Variants in MICU1 observed in about 807,000 individuals in gnomAD.
MICU1 encodes calcium uptake protein 1, mitochondrial.
Under a neutral mutation model 56.8 loss-of-function variants are expected in MICU1, and 45 were observed. That is an observed-to-expected ratio of 0.79 (90% CI 0.62 to 1.02). The LOEUF is 1.02. Ranked by LOEUF, MICU1 falls within the 50% of genes least tolerant of loss-of-function variation. The pLI is 0.00. For synonymous variants in MICU1, 186 were observed against 195.1 expected, an observed-to-expected ratio of 0.95 and a Z score of 0.39; for missense variants, 504 against 587.1, an observed-to-expected ratio of 0.86 and a Z score of 1.46.
chr10:72,492,668 CAGG>C (rs1397257215), intron 6 of MICU1, among the ~76,000 whole-genome samples: 2 of 151,486 alleles, frequency 1.3e-5, no homozygotes, highest in African/African-American at 2.4e-5. Context: ...GAGGCTGAGG[CAGG>C]AGAATTGCTT....
intron 10 of MICU1, among the ~76,000 whole-genome samples, chr10:72,400,829 A>G (rs1334028466): frequency 6.6e-6 from 1 of 152,042 alleles, no homozygotes; most frequent in African/African-American, 2.4e-5. Flanking sequence ...AAGAGCAGTA[A>G]AACCAAAGCT....
At chr10:72,591,510 T>G (rs1841224274) in intron 1 of MICU1, among the ~76,000 whole-genome samples, 1 of 152,098 alleles carries the variant, frequency 6.6e-6, no homozygotes, top group Non-Finnish European at 1.5e-5. Context: ...AGAGAAGCCT[T>G]GGCTGACCAA....
intron 9 of MICU1, among the ~76,000 whole-genome samples, chr10:72,418,342 C>A (rs958358388): frequency 6.6e-6 from 1 of 152,034 alleles, no homozygotes; most frequent in Non-Finnish European, 1.5e-5. Context: ...TTGAAGAGGG[C>A]CCAAACAACC....
In MICU1 at chr10:72,399,244, T is replaced by C. The variant is rs141578576; in HGVS notation, c.1180+8685A>G. Among the ~76,000 whole-genome samples the C allele has an allele frequency of 5.4e-3, 807 of 150,626 alleles. 5 individuals are homozygous for C. Among genetic ancestry groups the C allele is most frequent in the African/African-American group, 0.019 (767 of 40,906 alleles). On this transcript the variant is annotated intron_variant, in intron 10 of 11. Coordinates refer to ENST00000361114, the MANE Select transcript of MICU1 (RefSeq NM_001195518.2). ...ACCAAACACCGCATGTTCTCACTCA[T>C]AGGTGGGAACTGAACAATGAGATCA...
chr10:72,467,155 C>A (rs188676093), intron 8 of MICU1, among the ~76,000 whole-genome samples: 3 of 151,882 alleles, frequency 2.0e-5, no homozygotes, highest in Non-Finnish European at 2.9e-5. Context: ...TATGCCACCA[C>A]GTCTGACTAA....
intron 5 of MICU1, among the ~76,000 whole-genome samples, chr10:72,517,762 A>G (rs548946743): frequency 3.4e-5 from 5 of 148,014 alleles, no homozygotes; most frequent in Admixed American, 2.7e-4. Context: ...CTGTTCCCCA[A>G]AAACCTATGG....
chr10:72,476,745 T>A (rs1350563689), intron 7 of MICU1, among the ~76,000 whole-genome samples: 2 of 152,204 alleles, frequency 1.3e-5, no homozygotes, highest in Non-Finnish European at 2.9e-5. Context: ...TTCCTAGGAT[T>A]TTGAAATTGT....
intron 1 of MICU1, 82 bp from the exon 2 acceptor site, chr10:72,566,876 T>G: frequency 8.2e-7 from 1 of 1,223,528 alleles, no homozygotes. Flanking sequence ...ACATTTCTAA[T>G]AAACACTAAA....
intron 6 of MICU1, 93 bp from the exon 7 acceptor site, chr10:72,477,349 T>A: frequency 8.4e-7 from 1 of 1,190,384 alleles, no homozygotes; most frequent in Admixed American, 2.6e-5. Flanking sequence ...TAAAATGTAA[T>A]ATCAAAGTCA....
intron 6 of MICU1, chr10:72,477,508 T>C: frequency 3.9e-6 from 6 of 1,535,844 alleles, no homozygotes; most frequent in Non-Finnish European, 5.2e-6. Context: ...TGTTTCAACA[T>C]GCTTTGCCTT....
At chr10:72,550,727 T>C (rs1333170844) in intron 4 of MICU1, among the ~76,000 whole-genome samples, 4 of 152,222 alleles carry the variant, frequency 2.6e-5, no homozygotes, top group African/African-American at 9.6e-5. Flanking sequence ...ACTGCTTTTG[T>C]GGTACTGCAT....
intron 6 of MICU1, among the ~76,000 whole-genome samples, chr10:72,502,034 T>A (rs1192373548): frequency 6.6e-6 from 1 of 152,212 alleles, no homozygotes; most frequent in Non-Finnish European, 1.5e-5. Flanking sequence ...ACATAGTAGT[T>A]CATAAGCTAC....
intron 4 of MICU1, among the ~76,000 whole-genome samples, chr10:72,539,836 C>G (rs967295697): frequency 2.6e-5 from 4 of 152,068 alleles, no homozygotes; most frequent in African/African-American, 9.7e-5. Flanking sequence ...GGCAGCAGTG[C>G]AGAGGAAGAA....
chr10:72,415,716 T>A (rs1863962282), intron 9 of MICU1, among the ~76,000 whole-genome samples: 1 of 152,206 alleles, frequency 6.6e-6, no homozygotes, highest in South Asian at 2.1e-4. Context: ...CCTTTCTAGC[T>A]ATCTTCCTAA....
At chr10:72,455,965 A>C (rs1487649850) in intron 8 of MICU1, among the ~76,000 whole-genome samples, 1 of 152,162 alleles carries the variant, frequency 6.6e-6, no homozygotes. Flanking sequence ...CTGGTGACAC[A>C]GGGAGAAACT....
At chr10:72,595,153 A>G (rs1236619644) in intron 1 of MICU1, among the ~76,000 whole-genome samples, 1 of 151,962 alleles carries the variant, frequency 6.6e-6, no homozygotes, top group Non-Finnish European at 1.5e-5. Context: ...ATGCCTGTAC[A>G]TAAGACCATA....
At chr10:72,517,979 C>T (rs1276635271) in intron 5 of MICU1, among the ~76,000 whole-genome samples, 2 of 151,532 alleles carry the variant, frequency 1.3e-5, no homozygotes, top group African/African-American at 4.8e-5. Flanking sequence ...CTCTCACTGC[C>T]CCAGAAGTAG....
intron 8 of MICU1, chr10:72,467,786 T>G (rs1167868307): frequency 6.6e-6 from 1 of 152,180 alleles, no homozygotes; most frequent in African/African-American, 2.4e-5. Flanking sequence ...TACCTTTAGA[T>G]AATTGACACT....
intron 4 of MICU1, among the ~76,000 whole-genome samples, chr10:72,535,465 G>A (rs548609732): frequency 9.9e-5 from 15 of 152,232 alleles, no homozygotes; most frequent in Admixed American, 7.8e-4. Context: ...AATCCAAGAG[G>A]TTTAGTATCC....
Sources: gnomAD v4.1 joint callset for allele counts (sites outside exome capture counted in the v4.1 genomes callset) on GRCh38, gnomAD v4.1.1 for gene constraint, MANE v1.5 for transcripts, NCBI Gene and HGNC (gene_info 2026-07-23, HGNC 2026-07-21) for gene names.